The following PITPNC1 variants were observed in gnomAD, a reference collection of about 807,000 sequenced individuals.
PITPNC1 encodes phosphatidylinositol transfer protein cytoplasmic 1.
PITPNC1 carries 18 observed loss-of-function variants against 44.7 expected under a neutral mutation model. That is an observed-to-expected ratio of 0.40 (90% CI 0.28 to 0.60). The LOEUF is 0.60. Among genes scored for constraint, PITPNC1 ranks in the 20% least tolerant of loss-of-function variants. The probability of loss-of-function intolerance (pLI) is 0.39; values close to 1 mark genes in which losing one functional copy is unlikely to be tolerated. For synonymous variants in PITPNC1, 141 were observed against 149.6 expected (o/e 0.94, Z 0.42); for missense variants, 290 against 418.4 (o/e 0.69, Z 2.68).
intron 2 of PITPNC1, among the ~76,000 whole-genome samples, chr17:67,534,192 G>A (rs146570225): frequency 1.5e-3 from 234 of 152,070 alleles, no homozygotes; most frequent in African/African-American, 5.2e-3. Flanking sequence ...ACCACACCCG[G>A]CCTTTCTTGC....
chr17:67,490,267 T>G (rs893025199), intron 1 of PITPNC1, among the ~76,000 whole-genome samples: 3 of 151,174 alleles, frequency 2.0e-5, no homozygotes, highest in Non-Finnish European at 4.4e-5. Context: ...GTCATACTTG[T>G]GTGTGTGTGT....
chr17:67,379,008 A>AGTATTCCTG, intron 1 of PITPNC1: 1 of 985,428 alleles, frequency 1.0e-6, no homozygotes, highest in Non-Finnish European at 1.2e-6. Context: ...CGATCCTGCG[A>AGTATTCCTG]AGCCGCGAGC....
At chr17:67,446,008 A>C (rs1181919023) in intron 1 of PITPNC1, among the ~76,000 whole-genome samples, 1 of 151,818 alleles carries the variant, frequency 6.6e-6, no homozygotes, top group Non-Finnish European at 1.5e-5. Flanking sequence ...GTGCAGTGGC[A>C]CAATCTCGGC....
At chr17:67,614,013 G>A (rs559298019) in intron 5 of PITPNC1, among the ~76,000 whole-genome samples, 4 of 149,652 alleles carry the variant, frequency 2.7e-5, no homozygotes, top group African/African-American at 7.4e-5. Context: ...CTGAGCCTAG[G>A]GAGGTTGAGG....
At chr17:67,632,758 G>A (rs2144334849) in intron 6 of PITPNC1, among the ~76,000 whole-genome samples, 1 of 151,940 alleles carries the variant, frequency 6.6e-6, no homozygotes, top group South Asian at 2.1e-4. Flanking sequence ...AGTAGAGATG[G>A]GGTTTCACCC....
chr17:67,641,718 G>C (rs1412216254), intron 6 of PITPNC1, among the ~76,000 whole-genome samples: 1 of 151,644 alleles, frequency 6.6e-6, no homozygotes, highest in African/African-American at 2.4e-5. Context: ...GATCACTTGA[G>C]CCCAGGAGTC....
At chr17:67,635,973 C>G (rs1262774534) in intron 6 of PITPNC1, among the ~76,000 whole-genome samples, 10 of 152,104 alleles carry the variant, frequency 6.6e-5, no homozygotes, top group Admixed American at 3.3e-4. Context: ...CTAAAATCCT[C>G]TACAGCACAG....
At chr17:67,616,184 A>T (rs2144303240) in intron 5 of PITPNC1, among the ~76,000 whole-genome samples, 1 of 152,228 alleles carries the variant, frequency 6.6e-6, no homozygotes, top group East Asian at 1.9e-4. Context: ...CTTGTCGCCC[A>T]GGCTGGAGTG....
At chr17:67,608,491 C>CTT (rs143100082) in intron 5 of PITPNC1, among the ~76,000 whole-genome samples, 16 of 133,014 alleles carry the variant, frequency 1.2e-4, no homozygotes, top group African/African-American at 2.8e-4. Context: ...TGTTTCTCAG[C>CTT]TTTTTTTTTT....
chr17:67,594,651 C>G (rs547501493), intron 5 of PITPNC1, among the ~76,000 whole-genome samples: 1 of 152,134 alleles, frequency 6.6e-6, no homozygotes, highest in Non-Finnish European at 1.5e-5. Flanking sequence ...TGGCACAGCT[C>G]TGTTCCAAGA....
intron 1 of PITPNC1, among the ~76,000 whole-genome samples, chr17:67,398,745 C>T (rs558258880): frequency 6.6e-6 from 1 of 152,196 alleles, no homozygotes; most frequent in South Asian, 2.1e-4. Context: ...AATCCAACCA[C>T]TGAGCTGATC....
At chr17:67,434,631 C>CA (rs1378911646) in intron 1 of PITPNC1, among the ~76,000 whole-genome samples, 2 of 146,968 alleles carry the variant, frequency 1.4e-5, no homozygotes, top group Non-Finnish European at 3.0e-5. Context: ...GCCAACATGG[C>CA]AAAACCCCGT....
intron 5 of PITPNC1, among the ~76,000 whole-genome samples, chr17:67,599,188 C>T (rs1190599485): frequency 6.6e-6 from 1 of 151,156 alleles, no homozygotes; most frequent in Non-Finnish European, 1.5e-5. Flanking sequence ...TCACACACTA[C>T]CCAGTTTATG....
At chr17:67,561,337 T>A (rs2040903988) in intron 4 of PITPNC1, among the ~76,000 whole-genome samples, 1 of 151,876 alleles carries the variant, frequency 6.6e-6, no homozygotes, top group Non-Finnish European at 1.5e-5. Context: ...GTGCCTGTAA[T>A]CCCAGCTACT....
chr17:67,435,229 A>G (rs1306534145), intron 1 of PITPNC1, among the ~76,000 whole-genome samples: 1 of 152,094 alleles, frequency 6.6e-6, no homozygotes, highest in African/African-American at 2.4e-5. Context: ...GTAAAACGGA[A>G]ATTATAATAG....
chr17:67,612,772 TAA>T (rs1037823031), intron 5 of PITPNC1: 6 of 151,970 alleles, frequency 3.9e-5, no homozygotes, highest in African/African-American at 1.5e-4. Context: ...GAAAAAGAGT[TAA>T]GAGTCCAGCA....
intron 1 of PITPNC1, among the ~76,000 whole-genome samples, chr17:67,459,398 G>A (rs1219889805): frequency 1.2e-4 from 18 of 152,092 alleles, no homozygotes. Flanking sequence ...GATTACAGGC[G>A]TGAGCCACCG....
At chr17:67,435,967 G>T (rs2038932224) in intron 1 of PITPNC1, among the ~76,000 whole-genome samples, 1 of 152,020 alleles carries the variant, frequency 6.6e-6, no homozygotes. Context: ...ATGGTTGGTG[G>T]TTTTTTTGTT....
chr17:67,626,229 T>G (rs1225682376), intron 5 of PITPNC1, among the ~76,000 whole-genome samples: 1 of 152,000 alleles, frequency 6.6e-6, no homozygotes, highest in Non-Finnish European at 1.5e-5. Flanking sequence ...TAAGCCATCC[T>G]TGCACTTTGA....
Sources: allele counts gnomAD v4.1 joint callset (sites outside exome capture counted in the v4.1 genomes callset), GRCh38; gene constraint gnomAD v4.1.1; transcripts MANE v1.5; gene names NCBI Gene and HGNC (gene_info 2026-07-23, HGNC 2026-07-21).